Variants in KCNH7 observed in about 807,000 individuals in gnomAD.
The protein encoded by KCNH7 is voltage-gated inwardly rectifying potassium channel KCNH7.
A neutral mutation model predicts 120.8 loss-of-function variants in KCNH7; 49 were observed. The ratio of observed to expected loss-of-function variants is 0.41; its 90% confidence interval spans 0.32 to 0.51. The LOEUF is 0.51. Among genes scored for constraint, KCNH7 ranks in the 20% least tolerant of loss-of-function variants. The probability of loss-of-function intolerance (pLI) is 0.38; values close to 1 mark genes in which losing one functional copy is unlikely to be tolerated. For synonymous variants in KCNH7, 547 were observed against 516.1 expected, an observed-to-expected ratio of 1.06 and a Z score of -0.81; for missense variants, 1,097 against 1,446.6, an observed-to-expected ratio of 0.76 and a Z score of 3.92.
intron 2 of KCNH7, among the ~76,000 whole-genome samples, chr2:162,738,830 C>T (rs34855507): frequency 0.021 from 3,242 of 152,174 alleles, 73 homozygotes; most frequent in East Asian, 0.11. Context: ...CTTGAGAGCT[C>T]GACAATAAAG....
chr2:162,466,737 G>A (rs990467622), intron 6 of KCNH7, among the ~76,000 whole-genome samples: 2 of 152,142 alleles, frequency 1.3e-5, no homozygotes, highest in Non-Finnish European at 1.5e-5. Flanking sequence ...GACAGGTAAT[G>A]GGCTTTAAGT....
chr2:162,543,972 C>T (rs1692396612), intron 2 of KCNH7, among the ~76,000 whole-genome samples: 1 of 152,080 alleles, frequency 6.6e-6, no homozygotes, highest in Admixed American at 6.6e-5. Flanking sequence ...AGTCACTCAG[C>T]CCTTAAGGAG....
intron 2 of KCNH7, among the ~76,000 whole-genome samples, chr2:162,787,322 C>T (rs1467229265): frequency 1.3e-5 from 2 of 152,188 alleles, no homozygotes; most frequent in African/African-American, 4.8e-5. Flanking sequence ...CTCCTGCAGA[C>T]CCAGGTTCTA....
At chr2:162,637,245 C>T (rs1226323480) in intron 2 of KCNH7, among the ~76,000 whole-genome samples, 1 of 151,928 alleles carries the variant, frequency 6.6e-6, no homozygotes, top group African/African-American at 2.4e-5. Context: ...TCATTTAATC[C>T]TTCCCTATGT....
intron 2 of KCNH7, among the ~76,000 whole-genome samples, chr2:162,549,250 T>C (rs1318363763): frequency 6.6e-6 from 1 of 152,230 alleles, no homozygotes; most frequent in Non-Finnish European, 1.5e-5. Context: ...GCTCCAGCTT[T>C]AGAATTTTTT....
intron 2 of KCNH7, among the ~76,000 whole-genome samples, chr2:162,580,223 G>A (rs768447048): frequency 1.3e-5 from 2 of 151,978 alleles, no homozygotes; most frequent in Non-Finnish European, 2.9e-5. Flanking sequence ...CACAGCACAC[G>A]TCCATCACTT....
rs187777290 is a variant in KCNH7 at position 162,478,601 on chromosome 2, C to G, written c.1128+25842G>C. 1.5e-3 allele frequency among the ~76,000 whole-genome samples: 227 copies of G among 152,276 alleles called. 1 individual carries two copies. Among genetic ancestry groups the G allele is most frequent in the Non-Finnish European group, 2.7e-3 (181 of 68,016 alleles). On this transcript the variant is annotated intron_variant, in intron 6 of 15. Coordinates refer to ENST00000332142, the MANE Select transcript of KCNH7 (RefSeq NM_033272.4). ...CTCTCCTTCACATCACCTCAACCCACTTCAGGGACCGCACAAAATGATTTC... is the reference window on the plus strand; with the variant it reads ...CTCTCCTTCACATCACCTCAACCCAGTTCAGGGACCGCACAAAATGATTTC...
At chr2:162,519,349 A>G (rs1691436297) in intron 3 of KCNH7, among the ~76,000 whole-genome samples, 1 of 151,824 alleles carries the variant, frequency 6.6e-6, no homozygotes, top group Admixed American at 6.6e-5. Flanking sequence ...AGGTTGCTCA[A>G]ATATAACGTT....
chr2:162,381,187 A>G (rs1159408885), intron 13 of KCNH7, among the ~76,000 whole-genome samples: 1 of 152,110 alleles, frequency 6.6e-6, no homozygotes, highest in Admixed American at 6.6e-5. Flanking sequence ...AGAGATTTGA[A>G]TTACAGAAAG....
intron 2 of KCNH7, among the ~76,000 whole-genome samples, chr2:162,584,136 C>A (rs967349669): frequency 6.6e-6 from 1 of 152,122 alleles, no homozygotes; most frequent in African/African-American, 2.4e-5. Context: ...TACATGCTTA[C>A]TGCATTTTAA....
chr2:162,701,832 C>T (rs867579934), intron 2 of KCNH7, among the ~76,000 whole-genome samples: 15 of 151,990 alleles, frequency 9.9e-5, no homozygotes, highest in Admixed American at 2.6e-4. Context: ...CATGGTGAAA[C>T]CCCATCTCTA....
intron 6 of KCNH7, among the ~76,000 whole-genome samples, chr2:162,458,959 A>T (rs1286428050): frequency 6.6e-6 from 1 of 151,164 alleles, no homozygotes; most frequent in Non-Finnish European, 1.5e-5. Context: ...GTGAGCCAAG[A>T]TTGCACCACT....
intron 2 of KCNH7, among the ~76,000 whole-genome samples, chr2:162,754,247 A>T (rs1321516927): frequency 6.6e-6 from 1 of 152,134 alleles, no homozygotes; most frequent in Admixed American, 6.6e-5. Context: ...ATAGATCAAG[A>T]GGCAGCAGTC....
chr2:162,620,099 A>T (rs1322372279), intron 2 of KCNH7, among the ~76,000 whole-genome samples: 1 of 151,196 alleles, frequency 6.6e-6, no homozygotes, highest in Non-Finnish European at 1.5e-5. Context: ...TCTCTATAAA[A>T]AATCTATAAA....
chr2:162,531,357 A>G (rs1194216849), intron 3 of KCNH7, among the ~76,000 whole-genome samples: 1 of 151,972 alleles, frequency 6.6e-6, no homozygotes, highest in Non-Finnish European at 1.5e-5. Context: ...TGCTGCTGAT[A>G]TACCCTCCCT....
At chr2:162,814,340 T>C (rs1335473412) in intron 2 of KCNH7, among the ~76,000 whole-genome samples, 1 of 152,204 alleles carries the variant, frequency 6.6e-6, no homozygotes, top group Non-Finnish European at 1.5e-5. Context: ...CTTTAGATAA[T>C]ATTGTTTTCA....
intron 2 of KCNH7, among the ~76,000 whole-genome samples, chr2:162,628,177 T>C (rs2105210898): frequency 6.6e-6 from 1 of 152,288 alleles, no homozygotes; most frequent in East Asian, 1.9e-4. Context: ...AGCATGGTAC[T>C]GGAGAAAGAT....
intron 2 of KCNH7, among the ~76,000 whole-genome samples, chr2:162,804,764 A>AT (rs1684477738): frequency 1.1e-5 from 1 of 94,926 alleles, no homozygotes; most frequent in African/African-American, 3.0e-5. Context: ...TTCATATGGA[A>AT]CCAAAAAAAA....
intron 8 of KCNH7, among the ~76,000 whole-genome samples, chr2:162,424,336 G>A (rs1282224786): frequency 1.3e-5 from 2 of 152,074 alleles, no homozygotes; most frequent in Non-Finnish European, 2.9e-5. Flanking sequence ...AAATCTTCAT[G>A]ATTTAAAATA....
Sources: gnomAD v4.1 joint callset for allele counts (sites outside exome capture counted in the v4.1 genomes callset) on GRCh38, gnomAD v4.1.1 for gene constraint, MANE v1.5 for transcripts, NCBI Gene and HGNC (gene_info 2026-07-23, HGNC 2026-07-21) for gene names.